The following LIN9 variants were observed in gnomAD, a reference collection of about 807,000 sequenced individuals.
The protein encoded by LIN9 is lin-9 DREAM MuvB core complex component.
LIN9 carries 18 observed loss-of-function variants against 78.0 expected under a neutral mutation model. The observed-to-expected ratio is 0.23, with a 90% CI of 0.16 to 0.34. The LOEUF (loss-of-function observed/expected upper bound fraction) is 0.34. LIN9 is among the 10% of genes least tolerant of loss of function. The pLI, the probability that LIN9 is intolerant of heterozygous loss-of-function variation, is 1.00. For synonymous variants in LIN9, 192 were observed against 215.2 expected, an observed-to-expected ratio of 0.89 and a Z score of 0.94; for missense variants, 451 against 644.1, an observed-to-expected ratio of 0.70 and a Z score of 3.25.
chr1:226,246,207 T>C (rs1194565189), intron 11 of LIN9, among the ~76,000 whole-genome samples: 3 of 152,244 alleles, frequency 2.0e-5, no homozygotes, highest in African/African-American at 2.4e-5. Flanking sequence ...TTTCCTTTAA[T>C]GTAGGTATTC....
intron 10 of LIN9, among the ~76,000 whole-genome samples, chr1:226,254,636 G>C (rs2102877301): frequency 6.6e-6 from 1 of 152,222 alleles, no homozygotes; most frequent in South Asian, 2.1e-4. Flanking sequence ...ACTTGGCCAG[G>C]CGCGGTGGCT....
chr1:226,289,740 T>A (rs937081964), intron 4 of LIN9, among the ~76,000 whole-genome samples: 27 of 149,420 alleles, frequency 1.8e-4, no homozygotes, highest in African/African-American at 6.4e-4. Context: ...CAAATACTTA[T>A]ACGAATTTAG....
intron 11 of LIN9, among the ~76,000 whole-genome samples, chr1:226,247,956 G>A (rs952635548): frequency 2.0e-5 from 3 of 152,200 alleles, no homozygotes; most frequent in African/African-American, 7.2e-5. Context: ...TTACAGGTAT[G>A]AGCCACTGTG....
intron 7 of LIN9, among the ~76,000 whole-genome samples, chr1:226,275,936 G>C (rs1660628826): frequency 6.6e-6 from 1 of 151,984 alleles, no homozygotes. Flanking sequence ...GCTGAGGCAG[G>C]AGAATTGCTT....
chr1:226,247,839 A>T lies in LIN9; in HGVS notation c.1119+3000T>A, dbSNP rs192027872. 3.4e-4 allele frequency among the ~76,000 whole-genome samples: 51 copies of T among 151,508 alleles called. 1 individual carries two copies. The highest frequency in any genetic ancestry group is 1.1e-3 in the African/African-American group (47 of 41,322). ...GGTGCACACCTATCACACCCAGCTA[A>T]TTTTTTTTATTTTCAGTAGAGACAG... On this transcript the variant is annotated intron_variant, in intron 11 of 14. Transcript: ENST00000681046.
intron 5 of LIN9, among the ~76,000 whole-genome samples, chr1:226,286,890 C>G (rs187607063): frequency 2.6e-5 from 4 of 152,270 alleles, no homozygotes; most frequent in African/African-American, 7.2e-5. Flanking sequence ...CCCAGAAGAA[C>G]TCAGATTACA....
In LIN9 at chr1:226,309,091, C is replaced by G. The variant is rs1385677933; in HGVS notation, c.31+18G>C. On this transcript the variant is annotated intron_variant, in intron 1 of 14. Coordinates refer to ENST00000681046, the MANE Select transcript of LIN9 (RefSeq NM_001366245.2). ...CAGCAGGCGGGAAAAGGGGGGGGTG[C>G]TTTGAGGTGCTACTCACTCTCGTCA... is the stretch of plus-strand genomic sequence containing the variant. The G allele has an allele frequency of 1.5e-6, 2 of 1,312,314 alleles. No individual in the cohort carries two copies. Among genetic ancestry groups the G allele is most frequent in the Admixed American group, 3.0e-5 (1 of 33,044 alleles). 81.3% of individuals were successfully genotyped at this position (1,312,314 alleles called of 1,614,324 possible).
intron 10 of LIN9, among the ~76,000 whole-genome samples, 200 bp from the exon 11 acceptor site, chr1:226,251,119 C>T (rs1489880732): frequency 6.6e-6 from 1 of 151,836 alleles, no homozygotes; most frequent in African/African-American, 2.4e-5. Context: ...TGCAGTGGCA[C>T]AGTCTTGGCT....
chr1:226,247,567 A>G (rs1658563482), intron 11 of LIN9, among the ~76,000 whole-genome samples: 1 of 152,180 alleles, frequency 6.6e-6, no homozygotes, highest in South Asian at 2.1e-4. Flanking sequence ...TGGAACTTGC[A>G]GAAGTCCCCA....
chr1:226,259,253 C>A (rs960117796), intron 10 of LIN9, among the ~76,000 whole-genome samples: 3 of 152,094 alleles, frequency 2.0e-5, no homozygotes, highest in African/African-American at 7.2e-5. Context: ...AGCCACCACA[C>A]CCGGCCAACA....
chr1:226,288,186 G>A (rs1238003275), intron 4 of LIN9, among the ~76,000 whole-genome samples: 1 of 152,082 alleles, frequency 6.6e-6, no homozygotes, highest in African/African-American at 2.4e-5. Context: ...TGGCCAGGCT[G>A]GTCTCAAACT....
chr1:226,236,752 C>T (rs779444942), intron 12 of LIN9, among the ~76,000 whole-genome samples: 20 of 152,304 alleles, frequency 1.3e-4, no homozygotes, highest in Middle Eastern at 3.4e-3. Context: ...CCACCGCACC[C>T]GGCGTGTCTG....
intron 1 of LIN9, among the ~76,000 whole-genome samples, chr1:226,306,334 C>G (rs1662915866): frequency 6.6e-6 from 1 of 151,332 alleles, no homozygotes; most frequent in Non-Finnish European, 1.5e-5. Context: ...AAAAAAAAAA[C>G]AAAAGAAAAG....
chr1:226,250,784 C>T, intron 11 of LIN9, 55 bp downstream of exon 11: 1 of 751,100 alleles, frequency 1.3e-6, no homozygotes, highest in Non-Finnish European at 2.2e-6. Context: ...TATAGATGGT[C>T]TCACTATTTT....
chr1:226,294,127 G>T (rs1661968913), intron 4 of LIN9, among the ~76,000 whole-genome samples: 1 of 151,706 alleles, frequency 6.6e-6, no homozygotes, highest in African/African-American at 2.4e-5. Flanking sequence ...GGCCAATGTG[G>T]CAAAACCCTG....
chr1:226,305,843 T>G (rs984932899), intron 1 of LIN9, among the ~76,000 whole-genome samples: 1 of 152,142 alleles, frequency 6.6e-6, no homozygotes, highest in Admixed American at 6.5e-5. Flanking sequence ...ACATTCGTTT[T>G]GAAAGGATCC....
chr1:226,252,757 A>C (rs1205991370), intron 10 of LIN9, among the ~76,000 whole-genome samples: 1 of 152,144 alleles, frequency 6.6e-6, no homozygotes, highest in African/African-American at 2.4e-5. Context: ...ACCTGAGGTC[A>C]GGAGTTTGAG....
intron 4 of LIN9, among the ~76,000 whole-genome samples, chr1:226,293,237 A>C (rs545601152): frequency 1.3e-5 from 2 of 152,248 alleles, no homozygotes; most frequent in Non-Finnish European, 2.9e-5. Flanking sequence ...AAGAAGTCTC[A>C]TATCATGTTT....
chr1:226,245,101 T>C (rs554109938), intron 11 of LIN9, among the ~76,000 whole-genome samples: 1 of 152,310 alleles, frequency 6.6e-6, no homozygotes, highest in East Asian at 1.9e-4. Context: ...CTTCACCATC[T>C]GAAGGCTCAC....
Sources: gnomAD v4.1 joint callset for allele counts (sites outside exome capture counted in the v4.1 genomes callset) on GRCh38, gnomAD v4.1.1 for gene constraint, MANE v1.5 for transcripts, NCBI Gene and HGNC (gene_info 2026-07-23, HGNC 2026-07-21) for gene names.